The following ZFHX3 variants were observed in gnomAD, a reference collection of about 807,000 sequenced individuals.
ZFHX3 encodes zinc finger homeobox protein 3.
A neutral mutation model predicts 279.1 loss-of-function variants in ZFHX3; 42 were observed. The ratio of observed to expected loss-of-function variants is 0.15; its 90% CI spans 0.12 to 0.19. The LOEUF (loss-of-function observed/expected upper bound fraction) is 0.19, where lower values mean the gene tolerates loss of function less well. Ranked by LOEUF, ZFHX3 falls within the 10% of genes least tolerant of loss-of-function variation. The pLI is 1.00. For missense variants in ZFHX3, 4,981 were observed against 4,754.0 expected (o/e 1.05, Z -1.40); for synonymous variants, 2,293 against 1,957.8 (o/e 1.17, Z -4.52).
intron 2 of ZFHX3, among the ~76,000 whole-genome samples, chr16:73,673,478 C>A (rs184813526): frequency 6.6e-6 from 1 of 152,112 alleles, no homozygotes; most frequent in South Asian, 2.1e-4. Context: ...TCTCTTCCCC[C>A]TCCCAGGCTA....
intron 1 of ZFHX3, among the ~76,000 whole-genome samples, chr16:73,817,543 T>C (rs939412368): frequency 5.3e-5 from 8 of 152,134 alleles, no homozygotes; most frequent in African/African-American, 1.4e-4. Flanking sequence ...GACAGAGAGA[T>C]TGGGAAGTTC....
At chr16:72,829,325 G>C (rs1489199491) in intron 5 of ZFHX3, among the ~76,000 whole-genome samples, 1 of 152,026 alleles carries the variant, frequency 6.6e-6, no homozygotes, top group Non-Finnish European at 1.5e-5. Flanking sequence ...GAATCTTGAG[G>C]CTAAGAATCA....
chr16:73,700,808 C>A (rs998239980), intron 1 of ZFHX3, among the ~76,000 whole-genome samples: 7 of 152,314 alleles, frequency 4.6e-5, no homozygotes, highest in African/African-American at 1.2e-4. Context: ...GTAAGGATCA[C>A]ATCACAAGTG....
At chr16:73,758,670 G>T (rs1470210432) in intron 1 of ZFHX3, among the ~76,000 whole-genome samples, 1 of 152,204 alleles carries the variant, frequency 6.6e-6, no homozygotes, top group African/African-American at 2.4e-5. Flanking sequence ...CAGGGTCACA[G>T]GGATGCATTA....
At chr16:73,191,667 C>G (rs929425969) in intron 5 of ZFHX3, among the ~76,000 whole-genome samples, 1 of 152,170 alleles carries the variant, frequency 6.6e-6, no homozygotes, top group Non-Finnish European at 1.5e-5. Context: ...TAAGTCTGAT[C>G]TCTCTCTGGT....
At chr16:72,975,749 G>A (rs1056029125) in intron 1 of ZFHX3, among the ~76,000 whole-genome samples, 1 of 152,168 alleles carries the variant, frequency 6.6e-6, no homozygotes, top group Admixed American at 6.5e-5. Flanking sequence ...AGAACCAAGT[G>A]ACTGTGGGCA....
chr16:73,659,987 T>C (rs1483247960), intron 2 of ZFHX3, among the ~76,000 whole-genome samples: 1 of 152,194 alleles, frequency 6.6e-6, no homozygotes, highest in African/African-American at 2.4e-5. Context: ...TTGCATTAAG[T>C]GTATGCCATA....
At chr16:72,875,693 TAA>T (rs1224814131) in intron 4 of ZFHX3, among the ~76,000 whole-genome samples, 4 of 152,228 alleles carry the variant, frequency 2.6e-5, no homozygotes, top group Non-Finnish European at 4.4e-5. Context: ...ACTGCCACGT[TAA>T]GTCAGGTGTA....
At chr16:73,188,741 G>C (rs752342498) in intron 5 of ZFHX3, among the ~76,000 whole-genome samples, 1 of 152,148 alleles carries the variant, frequency 6.6e-6, no homozygotes, top group African/African-American at 2.4e-5. Context: ...AAACCTGAGA[G>C]AGAAAATGTT....
chr16:73,359,242 G>T (rs1314659598), intron 3 of ZFHX3, among the ~76,000 whole-genome samples: 4 of 149,422 alleles, frequency 2.7e-5, no homozygotes, highest in African/African-American at 9.9e-5. Context: ...TCACAGTGAA[G>T]ATTTACCTAG....
chr16:73,600,428 T>C (rs2052100178), intron 2 of ZFHX3, among the ~76,000 whole-genome samples: 2 of 150,760 alleles, frequency 1.3e-5, no homozygotes, highest in Admixed American at 6.6e-5. Flanking sequence ...CTTTTTTTTT[T>C]TTTTTTTGAG....
chr16:72,866,040 T>C (rs2038014025), intron 4 of ZFHX3, among the ~76,000 whole-genome samples: 1 of 151,926 alleles, frequency 6.6e-6, no homozygotes, highest in South Asian at 2.1e-4. Context: ...AGAAAGATAA[T>C]GTGATGCGGT....
chr16:72,953,196 G>C (rs866128049), intron 2 of ZFHX3, among the ~76,000 whole-genome samples: 1 of 152,148 alleles, frequency 6.6e-6, no homozygotes, highest in African/African-American at 2.4e-5. Flanking sequence ...AGAAGGCTTA[G>C]GAAGCTTTCG....
At chr16:73,856,357 G>A (rs534572527) in intron 1 of ZFHX3, among the ~76,000 whole-genome samples, 3 of 152,108 alleles carry the variant, frequency 2.0e-5, no homozygotes, top group Admixed American at 1.3e-4. Flanking sequence ...GAAAAACAAG[G>A]TTGGACGCAG....
At chr16:73,814,570 T>TC (rs1960513809) in intron 1 of ZFHX3, among the ~76,000 whole-genome samples, 1 of 144,810 alleles carries the variant, frequency 6.9e-6, no homozygotes, top group African/African-American at 2.6e-5. Context: ...GTTCACAACT[T>TC]TTTTTTTTTT....
At chr16:73,781,969 A>T (rs906519524) in intron 1 of ZFHX3, among the ~76,000 whole-genome samples, 1 of 152,174 alleles carries the variant, frequency 6.6e-6, no homozygotes, top group Non-Finnish European at 1.5e-5. Flanking sequence ...CCAGGGCGAA[A>T]GAGCGAGACT....
At chr16:73,885,139 C>T (rs2030303797) in intron 1 of ZFHX3, among the ~76,000 whole-genome samples, 1 of 152,064 alleles carries the variant, frequency 6.6e-6, no homozygotes, top group Admixed American at 6.6e-5. Context: ...ACTGGCCAAC[C>T]CCCTTTCATT....
intron 4 of ZFHX3, among the ~76,000 whole-genome samples, chr16:73,279,103 T>A (rs897840835): frequency 1.3e-5 from 2 of 152,226 alleles, no homozygotes; most frequent in African/African-American, 4.8e-5. Context: ...CAAATTACAA[T>A]GCTAATCATC....
chr16:73,140,088 G>A (rs1966843250), intron 6 of ZFHX3, among the ~76,000 whole-genome samples: 1 of 152,014 alleles, frequency 6.6e-6, no homozygotes, highest in African/African-American at 2.4e-5. Flanking sequence ...GCAACATAGT[G>A]AGACCTTATC....
Sources: allele counts gnomAD v4.1 joint callset (sites outside exome capture counted in the v4.1 genomes callset), GRCh38; gene constraint gnomAD v4.1.1; transcripts MANE v1.5; gene names NCBI Gene and HGNC (gene_info 2026-07-23, HGNC 2026-07-21).